Variants in BCL2L12 observed in about 807,000 individuals in gnomAD.
The protein encoded by BCL2L12 is bcl-2-like protein 12.
Under a neutral mutation model 25.7 loss-of-function variants are expected in BCL2L12, and 27 were observed. The observed-to-expected ratio is 1.05, with a 90% CI of 0.78 to 1.45. The LOEUF (loss-of-function observed/expected upper bound fraction) is 1.45. Among genes scored for constraint, BCL2L12 ranks in the 40% most tolerant of loss-of-function variants. The pLI is 0.00. For synonymous variants in BCL2L12, 132 were observed against 145.6 expected, an observed-to-expected ratio of 0.91 and a Z score of 0.67; for missense variants, 302 against 329.8, an observed-to-expected ratio of 0.92 and a Z score of 0.65.
intron 1 of BCL2L12, 64 bp from the exon 2 acceptor site, chr19:49,666,620 TG>T: frequency 7.7e-7 from 1 of 1,293,234 alleles, no homozygotes; most frequent in South Asian, 1.4e-5. Flanking sequence ...TCACAAGTCC[TG>T]GTCCCCAAGC....
At chr19:49,666,352 G>C (rs1192322418) in intron 1 of BCL2L12, among the ~76,000 whole-genome samples, 1 of 152,194 alleles carries the variant, frequency 6.6e-6, no homozygotes, top group Admixed American at 6.5e-5. Context: ...AGGAGTTGGG[G>C]CGCTAAGCCT....
At chr19:49,668,254 C>G (rs181247904) in intron 3 of BCL2L12, among the ~76,000 whole-genome samples, 36 of 152,146 alleles carry the variant, frequency 2.4e-4, no homozygotes, top group African/African-American at 6.3e-4. Flanking sequence ...CGCCACCATG[C>G]CCGGCTAATT....
In BCL2L12 at chr19:49,670,277, G is replaced by T; in HGVS notation, c.491G>T (p.Arg164Leu). ...LVRLSSDSFA[R>L]LVELFCSRDD... ...CGCCTGTCCTCCGACTCTTTCGCCCGCCTGGTGGAGCTGTTCTGTAGCCGG... is the reference window on the plus strand; with the variant it reads ...CGCCTGTCCTCCGACTCTTTCGCCCTCCTGGTGGAGCTGTTCTGTAGCCGG... The change falls in exon 6 of 7, where the codon CGC becomes CTC. Residue 164 changes from arginine (R) to leucine (L), a missense_variant. Transcript: ENST00000246784. 1 of 1,610,962 alleles carries T rather than the reference G, an allele frequency of 6.2e-7. No individual in the cohort carries two copies. The highest frequency in any genetic ancestry group is 1.7e-5 in the Admixed American group (1 of 59,938).
intron 3 of BCL2L12, among the ~76,000 whole-genome samples, chr19:49,668,500 C>T (rs1444513366): frequency 6.6e-6 from 1 of 151,962 alleles, no homozygotes; most frequent in African/African-American, 2.4e-5. Context: ...CTCAGTTTAC[C>T]CCATTATAAA....
chr19:49,670,877 G>C (rs770167877), intron 6 of BCL2L12, among the ~76,000 whole-genome samples: 11 of 152,116 alleles, frequency 7.2e-5, no homozygotes, highest in African/African-American at 1.7e-4. Context: ...TAACTAGCCA[G>C]GGTCGGGTGC....
rs2081988236 is a variant in BCL2L12, at chr19:49,672,838, GT to G, written c.703-858del. Among the ~76,000 whole-genome samples, 1 of 152,154 alleles carries G rather than the reference GT, an allele frequency of 6.6e-6. No homozygotes were observed. Among genetic ancestry groups the G allele is most frequent in the Non-Finnish European group, 1.5e-5 (1 of 68,022 alleles). On this transcript the variant is annotated intron_variant, in intron 6 of 6. Transcript: ENST00000246784. This position sits in a 1 kb window ranked among gnomAD's most constrained non-coding sequence, Gnocchi z 4.1. ...CATGTTGAGGGGAATGGATATAAGT[GT>G]TGGGCTCAGCAAAGAAGCTCGTTTA...
Position 49,670,644 on chromosome 19 carries a change from C to G in BCL2L12, c.702+156C>G, listed in dbSNP as rs140155451. The stretch of plus-strand genomic sequence containing the variant: ...GAGCCCTTGCTGTATGCCAGGACTG[C>G]AGCGATGAGTGCAGACACTATGCCT... On this transcript the variant is annotated intron_variant, in intron 6 of 6. Transcript: ENST00000246784. Among the ~76,000 whole-genome samples, 67 of 152,344 alleles carry G rather than the reference C, an allele frequency of 4.4e-4. No individual in the cohort carries two copies. In the East Asian group the frequency reaches 0.012, roughly 26 times the overall value.
At chr19:49,667,574 A>G (rs1024932480) in intron 3 of BCL2L12, among the ~76,000 whole-genome samples, 5 of 152,180 alleles carry the variant, frequency 3.3e-5, no homozygotes, top group African/African-American at 1.2e-4. Flanking sequence ...GACTTGATCA[A>G]GGTGACCCAC....
chr19:49,666,987 G>A (rs2081803934), intron 2 of BCL2L12, 32 bp from the exon 3 acceptor site: 1 of 1,607,628 alleles, frequency 6.2e-7, no homozygotes, highest in African/African-American at 1.3e-5. Flanking sequence ...GGGATCTCTG[G>A]TGGGGTCAGT....
chr19:49,670,136 G>T, intron 5 of BCL2L12, 80 bp from the exon 6 acceptor site: 1 of 1,522,250 alleles, frequency 6.6e-7, no homozygotes, highest in East Asian at 2.4e-5. Flanking sequence ...ATCCTGAACC[G>T]GGAAGCCACG....
At chr19:49,666,489 C>T (rs2081770037) in intron 1 of BCL2L12, among the ~76,000 whole-genome samples, 196 bp from the exon 2 acceptor site, 1 of 152,182 alleles carries the variant, frequency 6.6e-6, no homozygotes, top group Non-Finnish European at 1.5e-5. Context: ...ACCACCTTTC[C>T]TTGGATCGAA....
chr19:49,666,045 G>A lies in BCL2L12; in HGVS notation c.-31G>A, dbSNP rs992147499. ...GGAGACCGCAAGTTGAGTGGAGGAGGCGGCGGTGGGGCCCCGGACCAGGTC... is the reference window on the plus strand; with the variant it reads ...GGAGACCGCAAGTTGAGTGGAGGAGACGGCGGTGGGGCCCCGGACCAGGTC... On this transcript the variant is annotated 5_prime_UTR_variant, in exon 1 of 7. Coordinates refer to ENST00000246784, the MANE Select transcript of BCL2L12 (RefSeq NM_138639.2). 3.2e-6 allele frequency: 5 copies of A among 1,559,034 alleles called. No individual in the cohort carries two copies. The highest frequency in any genetic ancestry group is 4.3e-6 in the Non-Finnish European group (5 of 1,149,958).
chr19:49,665,935 T>C lies in BCL2L12; in HGVS notation c.-141T>C. 6.2e-7 allele frequency: 1 copy of C among 1,613,772 alleles called. No individual in the cohort carries two copies. The highest frequency in any genetic ancestry group is 1.1e-5 in the South Asian group (1 of 91,066). Reference sequence around the variant, plus strand: ...TGAGCGTGCACCCAGCGTTCCGCCCTTTCTACGCTGGGCCGGTTATCGACC... The same window carrying C: ...TGAGCGTGCACCCAGCGTTCCGCCCCTTCTACGCTGGGCCGGTTATCGACC... On this transcript the variant is annotated 5_prime_UTR_variant, in exon 1 of 7. Coordinates refer to ENST00000246784, the MANE Select transcript of BCL2L12 (RefSeq NM_138639.2).
intron 6 of BCL2L12, among the ~76,000 whole-genome samples, chr19:49,671,210 C>A (rs531023187): frequency 2.6e-5 from 4 of 151,502 alleles, no homozygotes; most frequent in African/African-American, 9.7e-5. Flanking sequence ...CACCTGTAAT[C>A]CCAGCACTTT....
chr19:49,665,674 C>A, upstream of BCL2L12: 1 of 1,102,830 alleles, frequency 9.1e-7, no homozygotes, highest in Non-Finnish European at 1.3e-6. Flanking sequence ...GAACCCACCC[C>A]TGTCTTGGAG....
At chr19:49,667,306 T>C (rs2081827495) in intron 3 of BCL2L12, 145 bp downstream of exon 3, 2 of 1,210,210 alleles carry the variant, frequency 1.7e-6, no homozygotes, top group East Asian at 4.8e-5. Flanking sequence ...CCCTCCCCAG[T>C]TAGATTTCTG....
chr19:49,668,851 GC>G lies in BCL2L12; in HGVS notation c.254del (p.Pro85GlnfsTer22), dbSNP rs2081886943. 6.2e-7 allele frequency: 1 copy of G among 1,612,172 alleles called. No individual in the cohort carries two copies. On this transcript the variant is annotated frameshift_variant and splice_region_variant, in exon 4 of 7. Coordinates refer to ENST00000246784, the MANE Select transcript of BCL2L12 (RefSeq NM_138639.2). LOFTEE classifies it high-confidence loss of function. ...CTGTCATTAACTCTTTTCACCCCAG[GC>G]CCAGCTACTCCAGACTTCTATGCTT... ...PIRPCYGLEP[G>X]PATPDFYALV...
chr19:49,665,803 G>C (rs1202188891), upstream of BCL2L12: 1 of 1,576,502 alleles, frequency 6.3e-7, no homozygotes, highest in Non-Finnish European at 8.7e-7. Context: ...ATCATTCTTT[G>C]GGTAACAGAC....
In BCL2L12 at chr19:49,672,751, G is replaced by A. The variant is rs1053882576; in HGVS notation, c.703-947G>A. Among the ~76,000 whole-genome samples, 5 of 148,132 alleles carry A rather than the reference G, an allele frequency of 3.4e-5. No homozygotes were observed. In the East Asian group the frequency reaches 8.5e-4, roughly 25 times the overall value. ...ATGGGGAAGGTGTGGGGATGGGGGC[G>A]ATGGGGGTGGGGAGCAGGACTGGAG... On this transcript the variant is annotated intron_variant, in intron 6 of 6. Transcript: ENST00000246784. The surrounding 1 kb of genome is among the most constrained non-coding windows in gnomAD (Gnocchi z 4.1).
Sources: gnomAD v4.1 joint callset for allele counts (sites outside exome capture counted in the v4.1 genomes callset) on GRCh38, gnomAD v4.1.1 for gene constraint, Gnocchi (gnomAD v3.1) non-coding constraint, MANE v1.5 for transcripts, NCBI Gene and HGNC (gene_info 2026-07-23, HGNC 2026-07-21) for gene names.